EXOC4: variants seen among roughly 807,000 people sequenced by gnomAD.
The protein encoded by EXOC4 is exocyst complex component 4.
A neutral mutation model predicts 107.2 loss-of-function variants in EXOC4; 71 were observed. The observed-to-expected ratio is 0.66, with a 90% CI of 0.55 to 0.81. The LOEUF (loss-of-function observed/expected upper bound fraction) is 0.81, where lower values mean the gene tolerates loss of function less well. Ranked by LOEUF, EXOC4 falls within the 30% of genes least tolerant of loss-of-function variation. EXOC4 has a pLI of 0.00. For synonymous variants in EXOC4, 456 were observed against 441.2 expected (o/e 1.03, Z -0.42); for missense variants, 1,108 against 1,189.6 (o/e 0.93, Z 1.01).
intron 11 of EXOC4, among the ~76,000 whole-genome samples, chr7:133,822,072 G>C (rs940496110): frequency 2.6e-5 from 4 of 152,178 alleles, no homozygotes; most frequent in African/African-American, 4.8e-5. Context: ...CTTACCATTT[G>C]AGATCCCTCT....
intron 9 of EXOC4, among the ~76,000 whole-genome samples, chr7:133,488,433 C>G (rs752937976): frequency 6.6e-6 from 1 of 151,962 alleles, no homozygotes; most frequent in Non-Finnish European, 1.5e-5. Flanking sequence ...TTTCTTTTTC[C>G]TTCCTCTGTG....
intron 10 of EXOC4, among the ~76,000 whole-genome samples, chr7:133,707,155 G>A (rs1794785851): frequency 6.6e-6 from 1 of 151,998 alleles, no homozygotes; most frequent in South Asian, 2.1e-4. Context: ...AATTGTTGAG[G>A]TGCTTTGAAG....
chr7:133,712,439 CAAAAAAAAAAAAAAAAAAAAAAA>C (rs58629398), intron 10 of EXOC4, among the ~76,000 whole-genome samples: 3 of 30,226 alleles, frequency 9.9e-5, no homozygotes, highest in Middle Eastern at 0.022. Context: ...AACTCTGTCT[CAAAAAAAAAAAAAAAAAAAAAAA>C]AAAAAAAAAA....
rs201367394 is a variant in EXOC4, at chr7:134,057,377, A to C, written c.2688-6914A>C. ...GTTGTGAGAAGTGTAAAAAAAAAAC[A>C]AAAAACTGTCCTGATACAGAATATA... On this transcript the variant is annotated intron_variant, in intron 17 of 17. Coordinates refer to ENST00000253861, the MANE Select transcript of EXOC4 (RefSeq NM_021807.4). Among the ~76,000 whole-genome samples, 7 of 151,384 alleles carry C rather than the reference A, an allele frequency of 4.6e-5. No homozygotes were observed. In the South Asian group the frequency reaches 1.5e-3, roughly 32 times the overall value.
At chr7:133,381,296 T>C (rs1796613644) in intron 7 of EXOC4, among the ~76,000 whole-genome samples, 1 of 152,168 alleles carries the variant, frequency 6.6e-6, no homozygotes, top group African/African-American at 2.4e-5. Context: ...ATAACCTAGA[T>C]GGCTAATGGC....
At chr7:133,542,580 G>A (rs537635115) in intron 9 of EXOC4, among the ~76,000 whole-genome samples, 17 of 152,254 alleles carry the variant, frequency 1.1e-4, no homozygotes, top group African/African-American at 3.1e-4. Context: ...TGGCTTCTGT[G>A]ACCAGCCTTG....
At chr7:133,811,880 A>G (rs2550998) in intron 10 of EXOC4, among the ~76,000 whole-genome samples, 132,308 of 152,278 alleles carry the variant, frequency 0.87, 57,642 homozygotes, top group East Asian at 0.99. Context: ...GGAACTATGG[A>G]TTATGATCAA....
At position 133,288,955 on chromosome 7, in the gene EXOC4, C is replaced by T; in HGVS notation, c.310C>T (p.Leu104=). The change falls in exon 3 of 18, where the codon CTG becomes TTG. Residue 104 remains leucine, a synonymous_variant. Coordinates refer to ENST00000253861, the MANE Select transcript of EXOC4 (RefSeq NM_021807.4). Reference sequence around the variant, plus strand: ...GAACCTGCTTTCATGCAAGATGCTGCTGCACTGCAAACGGGATGAGCTTCG... The same window carrying T: ...GAACCTGCTTTCATGCAAGATGCTGTTGCACTGCAAACGGGATGAGCTTCG... The part of the protein sequence containing the change: ...KENLLSCKML[L]HCKRDELRKL... 1.2e-6 allele frequency: 2 copies of T among 1,614,194 alleles called. No homozygotes were observed. The highest frequency in any genetic ancestry group is 1.7e-6 in the Non-Finnish European group (2 of 1,180,004).
intron 10 of EXOC4, among the ~76,000 whole-genome samples, chr7:133,780,152 G>GT (rs1796433152): frequency 6.6e-6 from 1 of 151,920 alleles, no homozygotes. Context: ...GTCACTAATA[G>GT]TTTTTTACAA....
intron 7 of EXOC4, among the ~76,000 whole-genome samples, chr7:133,375,857 C>G (rs1334039206): frequency 6.6e-6 from 1 of 152,072 alleles, no homozygotes; most frequent in Non-Finnish European, 1.5e-5. Context: ...TTGTATTATA[C>G]TTTTTCTCCA....
chr7:133,295,969 A>G (rs528555799), intron 3 of EXOC4, among the ~76,000 whole-genome samples: 56 of 152,246 alleles, frequency 3.7e-4, no homozygotes, highest in African/African-American at 1.3e-3. Flanking sequence ...CTGTAAAACA[A>G]TGTTCCAGTA....
intron 9 of EXOC4, among the ~76,000 whole-genome samples, chr7:133,568,749 A>G (rs980679234): frequency 1.3e-5 from 2 of 152,178 alleles, no homozygotes; most frequent in South Asian, 2.1e-4. Context: ...TTGGGAATGC[A>G]TAGACAGGAA....
intron 12 of EXOC4, among the ~76,000 whole-genome samples, chr7:133,904,684 G>T (rs894960881): frequency 1.3e-5 from 2 of 152,178 alleles, no homozygotes; most frequent in African/African-American, 4.8e-5. Flanking sequence ...ATTGGGAAAA[G>T]TATTCTTTGA....
chr7:133,769,055 C>T (rs926354303), intron 10 of EXOC4, among the ~76,000 whole-genome samples: 1 of 151,952 alleles, frequency 6.6e-6, no homozygotes, highest in Non-Finnish European at 1.5e-5. Context: ...GGCCGGTTAA[C>T]TTCTCTGAAC....
chr7:133,937,908 A>C lies in EXOC4; in HGVS notation c.2045A>C (p.Glu682Ala), dbSNP rs774701379. 4 of 1,614,176 alleles carry C rather than the reference A, an allele frequency of 2.5e-6. No individual in the cohort carries two copies. The highest frequency in any genetic ancestry group is 3.4e-6 in the Non-Finnish European group (4 of 1,180,030). The change falls in exon 14 of 18, where the codon GAG becomes GCG. Residue 682 changes from glutamate (E) to alanine (A), a missense_variant. Physicochemically the swap from Glu to Ala is moderately radical, Grantham distance 107. Coordinates refer to ENST00000253861, the MANE Select transcript of EXOC4 (RefSeq NM_021807.4). ...CTTTTCAGGGCAGCTTTTGGCAAGG[A>C]GTCTGAAGTTCTTATTGGGAACCTG... is the stretch of plus-strand genomic sequence containing the variant. The part of the protein sequence containing the change: ...EDFIRAAFGK[E>A]SEVLIGNLGD...
intron 11 of EXOC4, among the ~76,000 whole-genome samples, chr7:133,818,325 GTACAATA>G (rs1331832850): frequency 1.3e-5 from 2 of 152,116 alleles, no homozygotes; most frequent in African/African-American, 4.8e-5. Flanking sequence ...TACCTAAATT[GTACAATA>G]TGAGACTATT....
chr7:134,099,522 C>CTT, the EXOC4 span, among the ~76,000 whole-genome samples: 102 of 103,934 alleles, frequency 9.8e-4, 1 homozygote, highest in Admixed American at 1.4e-3. Context: ...CATCACACTT[C>CTT]TTTTTTTTTT....
At chr7:133,581,061 T>C (rs1320176682) in intron 9 of EXOC4, among the ~76,000 whole-genome samples, 2 of 152,224 alleles carry the variant, frequency 1.3e-5, no homozygotes, top group African/African-American at 4.8e-5. Context: ...TATAATATAT[T>C]GCTTTAGGGT....
At chr7:133,281,796 G>A (rs1208903969) in intron 2 of EXOC4, among the ~76,000 whole-genome samples, 1 of 151,316 alleles carries the variant, frequency 6.6e-6, no homozygotes, top group Non-Finnish European at 1.5e-5. Flanking sequence ...TCGCCTCCCG[G>A]GTTCAAGTGA....
Sources: gnomAD v4.1 joint callset for allele counts (sites outside exome capture counted in the v4.1 genomes callset) on GRCh38, gnomAD v4.1.1 for gene constraint, MANE v1.5 for transcripts, NCBI Gene and HGNC (gene_info 2026-07-23, HGNC 2026-07-21) for gene names.